The following FRMPD4 variants were observed in gnomAD, a reference collection of about 807,000 sequenced individuals.
The protein encoded by FRMPD4 is FERM and PDZ domain-containing protein 4.
Under a neutral mutation model 94.1 loss-of-function variants are expected in FRMPD4, and 22 were observed. The ratio of observed to expected loss-of-function variants is 0.23; its 90% CI spans 0.17 to 0.33. The LOEUF (loss-of-function observed/expected upper bound fraction) is 0.33, where lower values mean the gene tolerates loss of function less well. FRMPD4 is among the 10% of genes least tolerant of loss of function. The pLI, the probability that FRMPD4 is intolerant of heterozygous loss-of-function variation, is 1.00. For missense variants in FRMPD4, 1,111 were observed against 1,339.9 expected (o/e 0.83, Z 2.67); for synonymous variants, 631 against 548.6 (o/e 1.15, Z -2.10).
At chrX:12,136,396 T>C (rs771536442), upstream of FRMPD4, among the ~76,000 whole-genome samples, 8 of 109,891 alleles carry the variant, frequency 7.3e-5, no homozygotes, top group Non-Finnish European at 1.1e-4. Context: ...ATAAATGCTA[T>C]GGAAACAAGA....
At position 12,612,751 on chromosome X, in the gene FRMPD4, C is replaced by T. The variant is rs778684890; in HGVS notation, c.320-2028C>T. 2.7e-5 allele frequency among the ~76,000 whole-genome samples: 3 copies of T among 112,444 alleles called. No individual in the cohort carries two copies. In the East Asian group the frequency reaches 8.3e-4, roughly 31 times the overall value. On this transcript the variant is annotated intron_variant, in intron 3 of 16. Transcript: ENST00000675598. ...TGAAAGTTTTTCTGTATTTGATCAG[C>T]GTTTGATTGCTACCCATTTGTTTGA...
intron 2 of FRMPD4, among the ~76,000 whole-genome samples, chrX:12,536,895 A>G (rs922900139): frequency 8.9e-6 from 1 of 111,817 alleles, no homozygotes; most frequent in African/African-American, 3.2e-5. Flanking sequence ...ATCTTTATTT[A>G]AAATTTTGAT....
chrX:12,238,296 G>A (rs2057093127), intron 1 of FRMPD4, among the ~76,000 whole-genome samples: 1 of 110,237 alleles, frequency 9.1e-6, no homozygotes, highest in Non-Finnish European at 1.9e-5. Flanking sequence ...GGCTAATTTT[G>A]TATTTTTAGT....
chrX:12,516,114 T>C (rs1021113899), intron 2 of FRMPD4, among the ~76,000 whole-genome samples: 3 of 112,142 alleles, frequency 2.7e-5, no homozygotes, highest in African/African-American at 9.7e-5. Flanking sequence ...GATGGGTCTC[T>C]TGAATATTGC....
At chrX:12,522,615 T>C (rs1237137105) in intron 2 of FRMPD4, among the ~76,000 whole-genome samples, 3 of 84,071 alleles carry the variant, frequency 3.6e-5, no homozygotes, top group East Asian at 6.6e-4. Flanking sequence ...TTTTTTTTTT[T>C]CTTTTGAGAC....
At chrX:12,262,081 C>T (rs1041886314) in intron 1 of FRMPD4, among the ~76,000 whole-genome samples, 6 of 110,734 alleles carry the variant, frequency 5.4e-5, no homozygotes, top group African/African-American at 2.0e-4. Context: ...GAAGCTAGCA[C>T]ACTCTAGCCC....
chrX:12,288,968 G>A (rs1030202372), intron 1 of FRMPD4, among the ~76,000 whole-genome samples: 13 of 112,160 alleles, frequency 1.2e-4, no homozygotes, highest in Admixed American at 5.7e-4. Flanking sequence ...AGTGCTAGGA[G>A]GAGCTTAGGA....
chrX:11,843,978 C>CTT (rs1193068056), intron 1 of FRMPD4, among the ~76,000 whole-genome samples: 281 of 61,332 alleles, frequency 4.6e-3, no homozygotes, highest in Middle Eastern at 0.014. Context: ...GTTATGAATT[C>CTT]TTTTTTTTTT....
At chrX:12,615,835 T>G (rs758430935) in intron 4 of FRMPD4, among the ~76,000 whole-genome samples, 19 of 110,313 alleles carry the variant, frequency 1.7e-4, no homozygotes, top group African/African-American at 5.9e-4. Flanking sequence ...TTCAATTACT[T>G]TTGCACCAAC....
chrX:12,429,866 A>G (rs1445849665), intron 1 of FRMPD4, among the ~76,000 whole-genome samples: 1 of 111,813 alleles, frequency 8.9e-6, no homozygotes, highest in African/African-American at 3.3e-5. Flanking sequence ...AAGAGGCTTC[A>G]GGGAGTGTTT....
At chrX:11,978,321 C>CAAAAAAAAAAAAAAAAAAAA (rs1172824155) in intron 3 of FRMPD4, among the ~76,000 whole-genome samples, 2 of 16,355 alleles carry the variant, frequency 1.2e-4, no homozygotes, top group Admixed American at 1.4e-3. Context: ...AACTCCATCT[C>CAAAAAAAAAAAAAAAAAAAA]AAAAAAAAAA....
intron 1 of FRMPD4, among the ~76,000 whole-genome samples, chrX:12,392,727 A>G (rs1241819143): frequency 9.3e-6 from 1 of 107,685 alleles, no homozygotes; most frequent in Non-Finnish European, 1.9e-5. Context: ...CTTCCTTCCT[A>G]TGTCTGTGAA....
At chrX:12,408,822 C>T (rs1243518280) in intron 1 of FRMPD4, among the ~76,000 whole-genome samples, 2 of 111,875 alleles carry the variant, frequency 1.8e-5, no homozygotes, top group Non-Finnish European at 3.8e-5. Context: ...TTTGCAAGGG[C>T]TGACCTTGTT....
chrX:11,898,711 A>G lies in FRMPD4; in HGVS notation c.95+20693A>G, dbSNP rs1295758563. ...AAAAAAGAAAAAGATAATAGTAATTATCCAGATGAGAGAATATGGGGGAGT... is the reference window on the plus strand; with the variant it reads ...AAAAAAGAAAAAGATAATAGTAATTGTCCAGATGAGAGAATATGGGGGAGT... On this transcript the variant is annotated intron_variant, in intron 3 of 18. Coordinates refer to the FRMPD4 transcript ENST00000640291. Among the ~76,000 whole-genome samples the G allele has an allele frequency of 8.9e-5, 10 of 112,511 alleles. No individual in the cohort carries two copies. The Admixed American group carries it at 9.4e-4, about 11-fold the overall frequency.
intron 3 of FRMPD4, among the ~76,000 whole-genome samples, chrX:12,044,502 G>A: frequency 8.9e-6 from 1 of 112,219 alleles, no homozygotes; most frequent in East Asian, 2.8e-4. Context: ...TACCAGGGAG[G>A]ATGTGCAAAG....
chrX:12,225,651 T>G (rs184759727), intron 1 of FRMPD4, among the ~76,000 whole-genome samples: 1 of 111,848 alleles, frequency 8.9e-6, no homozygotes, highest in Non-Finnish European at 1.9e-5. Flanking sequence ...GGGATTGGGT[T>G]TTGTGGTTAC....
At chrX:12,096,201 A>G (rs1259799639) in intron 3 of FRMPD4, among the ~76,000 whole-genome samples, 3 of 112,273 alleles carry the variant, frequency 2.7e-5, no homozygotes, top group African/African-American at 9.7e-5. Context: ...TCTGAACCCT[A>G]TATTTTGTTA....
chrX:12,158,696 C>T (rs5979527), intron 1 of FRMPD4, among the ~76,000 whole-genome samples: 5,553 of 111,770 alleles, frequency 0.05, 213 homozygotes, highest in African/African-American at 0.13. Context: ...CATTTATTCT[C>T]ATTGCTGTAT....
chrX:11,844,420 G>A (rs2053561587), intron 1 of FRMPD4, among the ~76,000 whole-genome samples: 3 of 110,149 alleles, frequency 2.7e-5, no homozygotes, highest in African/African-American at 6.6e-5. Flanking sequence ...CCAGCTCTTC[G>A]GATATATCAG....
Sources: allele counts gnomAD v4.1 joint callset (sites outside exome capture counted in the v4.1 genomes callset), GRCh38; gene constraint gnomAD v4.1.1; transcripts MANE v1.5; gene names NCBI Gene and HGNC (gene_info 2026-07-23, HGNC 2026-07-21).